BCAS3: variants seen among roughly 807,000 people sequenced by gnomAD.
BCAS3 encodes BCAS4/BCAS3 fusion.
In BCAS3, 53 loss-of-function variants were observed where a neutral mutation model predicts 116.1. That is an observed-to-expected ratio of 0.46 (90% CI 0.37 to 0.57). BCAS3 has a LOEUF of 0.57. Ranked by LOEUF, BCAS3 falls within the 20% of genes least tolerant of loss-of-function variation. BCAS3 has a pLI of 0.00. For synonymous variants in BCAS3, 391 were observed against 408.2 expected (o/e 0.96, Z 0.51); for missense variants, 917 against 1,165.4 (o/e 0.79, Z 3.10).
At position 61,243,870 on chromosome 17, in the gene BCAS3, C is replaced by T. The variant is rs901312474; in HGVS notation, c.2426-124457C>T. Reference sequence around the variant, plus strand: ...GTATGACCATAGGTCTCTGCAGCCTCAAACTCCTAGGCTCAAGCAGCCCTC... The same window carrying T: ...GTATGACCATAGGTCTCTGCAGCCTTAAACTCCTAGGCTCAAGCAGCCCTC... On this transcript the variant is annotated intron_variant, in intron 22 of 23. Transcript: ENST00000407086. This position sits in a 1 kb window ranked among gnomAD's most constrained non-coding sequence, Gnocchi z 5.6. Among the ~76,000 whole-genome samples, 4 of 152,302 alleles carry T rather than the reference C, an allele frequency of 2.6e-5. No homozygotes were observed. In the East Asian group the frequency reaches 5.8e-4, roughly 22 times the overall value.
At position 61,226,653 on chromosome 17, in the gene BCAS3, A is replaced by C. The variant is rs966477818; in HGVS notation, c.2426-141674A>C. Among the ~76,000 whole-genome samples, 1 of 152,112 alleles carries C rather than the reference A, an allele frequency of 6.6e-6. No homozygotes were observed. The highest frequency in any genetic ancestry group is 1.5e-5 in the Non-Finnish European group (1 of 68,026). On this transcript the variant is annotated intron_variant, in intron 22 of 23. Coordinates refer to ENST00000407086, the MANE Select transcript of BCAS3 (RefSeq NM_017679.5). This position sits in a 1 kb window ranked among gnomAD's most constrained non-coding sequence, Gnocchi z 6.0. ...CAGATGCAAAATAGCTCCAGTACTCATGTGTATTTTCTGTATTTTTTCCTT... is the reference window on the plus strand; with the variant it reads ...CAGATGCAAAATAGCTCCAGTACTCCTGTGTATTTTCTGTATTTTTTCCTT...
At chr17:61,133,401 G>T (rs1279621619) in intron 22 of BCAS3, among the ~76,000 whole-genome samples, 4 of 152,156 alleles carry the variant, frequency 2.6e-5, no homozygotes, top group Non-Finnish European at 4.4e-5. Context: ...TCAAGTACAA[G>T]TTCTGTAGGA....
chr17:60,999,033 A>G (rs546270782), intron 15 of BCAS3, among the ~76,000 whole-genome samples: 7 of 152,256 alleles, frequency 4.6e-5, no homozygotes, highest in Middle Eastern at 6.8e-3. Flanking sequence ...TTCTGTGTGT[A>G]TATAGTTAGC....
In BCAS3 at chr17:60,990,352, G is replaced by A. The variant is rs935514340; in HGVS notation, c.1486+117G>A. 1.8e-5 allele frequency: 20 copies of A among 1,092,312 alleles called. No individual in the cohort carries two copies. The highest frequency in any genetic ancestry group is 2.6e-5 in the Non-Finnish European group (20 of 780,628). 67.7% of individuals were successfully genotyped at this position (1,092,312 alleles called of 1,614,324 possible). On this transcript the variant is annotated intron_variant, in intron 15 of 23. Transcript: ENST00000407086. This position sits in a 1 kb window ranked among gnomAD's most constrained non-coding sequence, Gnocchi z 5.1. Reference sequence around the variant, plus strand: ...CTGTTCATGTAAAAAGAAGATCTTAGGCTTATATGAAATTCTTAATTATTA... The same window carrying A: ...CTGTTCATGTAAAAAGAAGATCTTAAGCTTATATGAAATTCTTAATTATTA...
chr17:60,946,193 A>G (rs1258987056), intron 13 of BCAS3, among the ~76,000 whole-genome samples: 1 of 152,220 alleles, frequency 6.6e-6, no homozygotes, highest in Non-Finnish European at 1.5e-5. Flanking sequence ...GAGAAAAAAC[A>G]GTGTCTTCAA....
chr17:61,115,020 GA>G, intron 22 of BCAS3, among the ~76,000 whole-genome samples: 1 of 151,068 alleles, frequency 6.6e-6, no homozygotes, highest in East Asian at 2.0e-4. Flanking sequence ...ATGGTGCTGG[GA>G]AAACTGGCTA....
At chr17:60,811,008 G>T in intron 7 of BCAS3, 1 of 665,068 alleles carries the variant, frequency 1.5e-6, no homozygotes, top group South Asian at 1.4e-5. Context: ...GCACCACAGT[G>T]GTCACCATGC....
Position 61,084,687 on chromosome 17 carries a change from G to A in BCAS3, c.2425+123G>A. On this transcript the variant is annotated intron_variant, in intron 22 of 23. Coordinates refer to ENST00000407086, the MANE Select transcript of BCAS3 (RefSeq NM_017679.5). The surrounding 1 kb of genome is among the most constrained non-coding windows in gnomAD (Gnocchi z 5.5). ...TCTGTTTTTTTGTTTTGTGGTGTGT[G>A]TGCATTTTAATACAGTACTGTGCCT... The A allele has an allele frequency of 1.2e-6, 1 of 825,878 alleles. No homozygotes were observed. Among genetic ancestry groups the A allele is most frequent in the Middle Eastern group, 3.2e-4 (1 of 3,104 alleles). The allele number at this position is 825,878 out of a possible 1,614,324, so 51.2% of individuals were successfully genotyped here.
At chr17:61,071,079 G>A (rs2071386831) in intron 19 of BCAS3, among the ~76,000 whole-genome samples, 1 of 152,096 alleles carries the variant, frequency 6.6e-6, no homozygotes, top group African/African-American at 2.4e-5. Flanking sequence ...AACAGAGCCT[G>A]GCTCTTCTGC....
At chr17:61,150,423 TTA>T (rs1396376530) in intron 22 of BCAS3, among the ~76,000 whole-genome samples, 2 of 152,208 alleles carry the variant, frequency 1.3e-5, no homozygotes, top group Non-Finnish European at 2.9e-5. Flanking sequence ...GTAAGCTTAT[TTA>T]TGACTTACTG....
chr17:61,074,731 AT>A (rs2071790590), intron 19 of BCAS3, among the ~76,000 whole-genome samples, 188 bp from the exon 20 acceptor site: 1 of 152,156 alleles, frequency 6.6e-6, no homozygotes, highest in South Asian at 2.1e-4. Flanking sequence ...TTCTGTAGAT[AT>A]TTTTTAAAGT....
chr17:61,302,791 T>A lies in BCAS3; in HGVS notation c.2426-65536T>A. ...GTTTTTATCTAAGAGAATCCTACAG[T>A]AGTTCAGACTTTGTAGAGAAAGGCA... On this transcript the variant is annotated intron_variant, in intron 22 of 23. Transcript: ENST00000407086. The surrounding 1 kb of genome is among the most constrained non-coding windows in gnomAD (Gnocchi z 4.4). Among the ~76,000 whole-genome samples the A allele has an allele frequency of 6.6e-6, 1 of 152,154 alleles. No homozygotes were observed. Among genetic ancestry groups the A allele is most frequent in the East Asian group, 1.9e-4 (1 of 5,192 alleles).
At chr17:61,146,631 G>A (rs150129265) in intron 22 of BCAS3, among the ~76,000 whole-genome samples, 1 of 152,282 alleles carries the variant, frequency 6.6e-6, no homozygotes, top group Non-Finnish European at 1.5e-5. Flanking sequence ...TTGAGCTAGA[G>A]TGGCAGATTT....
intron 6 of BCAS3, among the ~76,000 whole-genome samples, chr17:60,789,793 C>T (rs114994501): frequency 0.044 from 6,666 of 152,118 alleles, 529 homozygotes; most frequent in African/African-American, 0.15. Flanking sequence ...ATGAAGAGTA[C>T]ATGCTATTTA....
At chr17:60,703,474 A>T (rs1247278432) in intron 4 of BCAS3, among the ~76,000 whole-genome samples, 1 of 151,888 alleles carries the variant, frequency 6.6e-6, no homozygotes, top group Non-Finnish European at 1.5e-5. Flanking sequence ...CAGGCAGGAG[A>T]TCGCTTGAGC....
chr17:60,754,879 G>T (rs1440561769), intron 6 of BCAS3, among the ~76,000 whole-genome samples: 1 of 151,896 alleles, frequency 6.6e-6, no homozygotes, highest in East Asian at 1.9e-4. Context: ...GAGATTTAGG[G>T]CTTCTCTAAT....
chr17:60,905,251 A>G (rs564959236), intron 11 of BCAS3, among the ~76,000 whole-genome samples: 2 of 152,212 alleles, frequency 1.3e-5, no homozygotes, highest in Non-Finnish European at 2.9e-5. Context: ...TTCAGTATAT[A>G]GGACGCTATA....
rs2145572725 is a variant in BCAS3 at position 61,026,494 on chromosome 17, T to G, written c.1638-8172T>G. ...CTAATTTTAACCATTTTGTGTCACA[T>G]AGCTACACATTTGTTGCTATTGATC... On this transcript the variant is annotated intron_variant, in intron 16 of 23. Transcript: ENST00000407086. The surrounding 1 kb of genome is among the most constrained non-coding windows in gnomAD (Gnocchi z 5.0). 6.6e-6 allele frequency among the ~76,000 whole-genome samples: 1 copy of G among 152,214 alleles called. No individual in the cohort carries two copies. The highest frequency in any genetic ancestry group is 1.9e-4 in the East Asian group (1 of 5,194).
intron 22 of BCAS3, among the ~76,000 whole-genome samples, chr17:61,288,678 A>G (rs2052072232): frequency 6.6e-6 from 1 of 152,192 alleles, no homozygotes; most frequent in Non-Finnish European, 1.5e-5. Flanking sequence ...ACCACAAGAT[A>G]TGGCGCACTG....
Sources: gnomAD v4.1 joint callset for allele counts (sites outside exome capture counted in the v4.1 genomes callset) on GRCh38, gnomAD v4.1.1 for gene constraint, Gnocchi (gnomAD v3.1) non-coding constraint, MANE v1.5 for transcripts, NCBI Gene and HGNC (gene_info 2026-07-23, HGNC 2026-07-21) for gene names.